The following USP40 variants were observed in gnomAD, a reference collection of about 807,000 sequenced individuals.
USP40 encodes ubiquitin carboxyl-terminal hydrolase 40.
Under a neutral mutation model 166.2 loss-of-function variants are expected in USP40, and 143 were observed. The ratio of observed to expected loss-of-function variants is 0.86; its 90% CI spans 0.75 to 0.99. USP40 has a LOEUF of 0.99. Ranked by LOEUF, USP40 falls within the 50% of genes least tolerant of loss-of-function variation. The pLI is 0.00. For synonymous variants in USP40, 498 were observed against 524.0 expected, an observed-to-expected ratio of 0.95 and a Z score of 0.68; for missense variants, 1,444 against 1,479.7, an observed-to-expected ratio of 0.98 and a Z score of 0.40.
intron 13 of USP40, 45 bp downstream of exon 13, chr2:233,527,362 G>A: frequency 6.3e-7 from 1 of 1,584,084 alleles, no homozygotes; most frequent in Non-Finnish European, 8.6e-7. Context: ...TCTAGCTGGA[G>A]ATGGTGCTCG....
At chr2:233,484,423 C>T (rs564290511) in intron 30 of USP40, among the ~76,000 whole-genome samples, 9 of 151,636 alleles carry the variant, frequency 5.9e-5, no homozygotes, top group South Asian at 4.2e-4. Flanking sequence ...TGGACCCTTT[C>T]GAACTCCTCT....
chr2:233,550,121 G>T (rs1341946540), intron 7 of USP40, among the ~76,000 whole-genome samples: 1 of 152,064 alleles, frequency 6.6e-6, no homozygotes, highest in Non-Finnish European at 1.5e-5. Flanking sequence ...ATGTACATAT[G>T]GTGGCCGCTT....
rs972810926 is a variant in USP40, at chr2:233,509,931, A to G, written c.2613+118T>C. The G allele has an allele frequency of 1.4e-5, 10 of 734,346 alleles. No individual in the cohort carries two copies. In the Admixed American group the frequency reaches 2.5e-4, roughly 18 times the overall value. 45.5% of individuals were successfully genotyped at this position (734,346 alleles called of 1,614,324 possible). The stretch of plus-strand genomic sequence containing the variant: ...CTAGTGAGTACATATAATTCTCTGA[A>G]GTACACCATATCAGGCCTAGTTTAG... On this transcript the variant is annotated intron_variant, in intron 21 of 31. Coordinates refer to ENST00000678225, the MANE Select transcript of USP40 (RefSeq NM_001365479.2).
At chr2:233,488,525 TG>T (rs1312172561) in intron 27 of USP40, among the ~76,000 whole-genome samples, 1 of 152,244 alleles carries the variant, frequency 6.6e-6, no homozygotes, top group Non-Finnish European at 1.5e-5. Flanking sequence ...GGTCTGGCTC[TG>T]GGAAGATGGC....
chr2:233,493,463 G>C lies in USP40; in HGVS notation c.2879C>G (p.Ser960Trp), dbSNP rs1005588256. ...ESHQDQTNCT[S>W]SWGRVWRATS... ...GGCTCTCCAAACTCTGCCCCAAGAC[G>C]AAGTACAGTTGGTCTGGTCCTGATG... Residue 960 changes from serine to tryptophan, a missense_variant, in exon 25 of 32, where the codon TCG (serine) becomes TGG (tryptophan). Transcript: ENST00000678225. This position sits in a 1 kb window ranked among gnomAD's most constrained non-coding sequence, Gnocchi z 4.7. 6.2e-7 allele frequency: 1 copy of C among 1,613,940 alleles called. No individual in the cohort carries two copies.
chr2:233,565,371 T>A lies in USP40; in HGVS notation c.184A>T (p.Thr62Ser), dbSNP rs1434428362. ...CATAGCATACCTCTGAATTCAGGTG[T>A]GAAATGAAGAGTCTGAAGAAGGGAA... ...LNSLLQTLHF[T>S]PEFREALFSL... Residue 62 changes from threonine (T) to serine (S), a missense_variant, in exon 2 of 32, where the codon ACA becomes TCA. Physicochemically the swap from Thr to Ser is moderately conservative, Grantham distance 58. Coordinates refer to ENST00000678225, the MANE Select transcript of USP40 (RefSeq NM_001365479.2). The A allele has an allele frequency of 2.6e-6, 4 of 1,536,826 alleles. No homozygotes were observed. The African/African-American group carries it at 5.5e-5, about 21-fold the overall frequency.
At position 233,493,197 on chromosome 2, in the gene USP40, T is replaced by G. The variant is rs1172740039; in HGVS notation, c.2917+228A>C. 1.7e-6 allele frequency: 1 copy of G among 582,228 alleles called. No individual in the cohort carries two copies. The highest frequency in any genetic ancestry group is 3.0e-6 in the Non-Finnish European group (1 of 336,432). 36.1% of individuals were successfully genotyped at this position (582,228 alleles called of 1,614,324 possible). A position where few individuals can be genotyped will look rare whatever the true frequency, so the allele number is the denominator to read the frequency against. On this transcript the variant is annotated intron_variant, in intron 25 of 31. Coordinates refer to ENST00000678225, the MANE Select transcript of USP40 (RefSeq NM_001365479.2). This position sits in a 1 kb window ranked among gnomAD's most constrained non-coding sequence, Gnocchi z 4.7. ...TGGAAAGTGTAATATATTGATATAA[T>G]AATAAACAACAAGATATATAGTGCT...
At chr2:233,491,293 G>T in intron 25 of USP40, 32 bp from the exon 26 acceptor site, 5 of 1,488,612 alleles carry the variant, frequency 3.4e-6, no homozygotes, top group Non-Finnish European at 3.7e-6. Flanking sequence ...TGTTTACAAG[G>T]AACTTGAAAC....
At chr2:233,479,169 G>A (rs2064373439) in intron 31 of USP40, among the ~76,000 whole-genome samples, 1 of 152,180 alleles carries the variant, frequency 6.6e-6, no homozygotes, top group Non-Finnish European at 1.5e-5. Context: ...CAGGGCCTGG[G>A]GAACTATTGG....
chr2:233,519,514 A>C (rs888097245), intron 18 of USP40, 100 bp downstream of exon 18: 4 of 699,358 alleles, frequency 5.7e-6, no homozygotes, highest in Non-Finnish European at 9.7e-6. Context: ...TAGGTATGTG[A>C]GTTCTCCCTA....
rs1356817848 is a variant in USP40, at chr2:233,493,110, C to T, written c.2917+315G>A. On this transcript the variant is annotated intron_variant, in intron 25 of 31. Coordinates refer to ENST00000678225, the MANE Select transcript of USP40 (RefSeq NM_001365479.2). This position sits in a 1 kb window ranked among gnomAD's most constrained non-coding sequence, Gnocchi z 4.7. The stretch of plus-strand genomic sequence containing the variant: ...TGGATGAAGTCTCAATATTCTGGTA[C>T]GTGGTGATAAATGGGGCCCCTGTTG... 4.7e-6 allele frequency: 2 copies of T among 425,318 alleles called. No homozygotes were observed. The highest frequency in any genetic ancestry group is 3.6e-5 in the East Asian group (1 of 28,008). 26.3% of individuals were successfully genotyped at this position (425,318 alleles called of 1,614,324 possible). A position where few individuals can be genotyped will look rare whatever the true frequency, so the allele number is the denominator to read the frequency against.
At chr2:233,546,115 A>AAAATT (rs2069899469) in intron 8 of USP40, 1 of 152,232 alleles carries the variant, frequency 6.6e-6, no homozygotes, top group East Asian at 1.9e-4. Flanking sequence ...TAGAGCTTCA[A>AAAATT]AAATGGACAG....
intron 21 of USP40, among the ~76,000 whole-genome samples, chr2:233,503,017 G>A (rs1157359444): frequency 6.6e-6 from 1 of 152,166 alleles, no homozygotes; most frequent in South Asian, 2.1e-4. Context: ...TAAGTCTCCA[G>A]TAACAAACCC....
At chr2:233,547,450 G>C (rs2070073511) in intron 8 of USP40, among the ~76,000 whole-genome samples, 1 of 152,174 alleles carries the variant, frequency 6.6e-6, no homozygotes, top group African/African-American at 2.4e-5. Flanking sequence ...TGTCATCAAA[G>C]GGACTGTGCA....
chr2:233,539,873 T>A (rs1006373647), intron 10 of USP40, among the ~76,000 whole-genome samples: 21 of 151,962 alleles, frequency 1.4e-4, no homozygotes, highest in African/African-American at 3.9e-4. Flanking sequence ...AAAAGCTGGT[T>A]TCTTGAAAAG....
In USP40 at chr2:233,566,474, G is replaced by A. The variant is rs112793557; in HGVS notation, c.-20+210C>T. Reference sequence around the variant, plus strand: ...CCTGAATTCCCAACTCCTACGGCCGGCCGAGGCCCTCCAAGCCACCACAGG... The same window carrying A: ...CCTGAATTCCCAACTCCTACGGCCGACCGAGGCCCTCCAAGCCACCACAGG... On this transcript the variant is annotated intron_variant, in intron 1 of 31. Transcript: ENST00000678225. Among the ~76,000 whole-genome samples, 855 of 152,328 alleles carry A rather than the reference G, an allele frequency of 5.6e-3. 10 individuals are homozygous for A. The highest frequency in any genetic ancestry group is 0.019 in the African/African-American group (798 of 41,578).
At chr2:233,529,919 G>A (rs1227774391) in intron 11 of USP40, among the ~76,000 whole-genome samples, 1 of 150,114 alleles carries the variant, frequency 6.7e-6, no homozygotes, top group Non-Finnish European at 1.5e-5. Flanking sequence ...TCGTGCCTCA[G>A]CCTCTGAGTA....
intron 2 of USP40, among the ~76,000 whole-genome samples, chr2:233,565,049 CAAT>C (rs1272326748): frequency 1.3e-5 from 2 of 152,120 alleles, no homozygotes; most frequent in African/African-American, 2.4e-5. Context: ...AACAGTGTAA[CAAT>C]AATGAAGACT....
chr2:233,544,978 T>C (rs781553009), intron 8 of USP40, among the ~76,000 whole-genome samples: 1 of 152,204 alleles, frequency 6.6e-6, no homozygotes, highest in Non-Finnish European at 1.5e-5. Flanking sequence ...AGGCTTGTGT[T>C]AGAGACAAAC....
Sources: gnomAD v4.1 joint callset for allele counts (sites outside exome capture counted in the v4.1 genomes callset) on GRCh38, gnomAD v4.1.1 for gene constraint, Gnocchi (gnomAD v3.1) non-coding constraint, MANE v1.5 for transcripts, NCBI Gene and HGNC (gene_info 2026-07-23, HGNC 2026-07-21) for gene names.